GANC: variants seen among roughly 807,000 people sequenced by gnomAD.
GANC encodes the protein neutral alpha-glucosidase C.
A neutral mutation model predicts 124.2 loss-of-function variants in GANC; 117 were observed. The observed-to-expected ratio is 0.94, with a 90% CI of 0.81 to 1.10. GANC has a LOEUF of 1.10. GANC is among the 50% of genes least tolerant of loss of function. GANC has a pLI of 0.00. For synonymous variants in GANC, 377 were observed against 376.8 expected, an observed-to-expected ratio of 1.00 and a Z score of -0.01; for missense variants, 1,140 against 1,095.0, an observed-to-expected ratio of 1.04 and a Z score of -0.58.
rs538244935 is a variant in GANC, at chr15:42,302,455, A to C, written c.559-4091A>C. The stretch of plus-strand genomic sequence containing the variant: ...CAGAACACCTCTTCTCCTCCAAACG[A>C]TCACAGCTTCTCAACAGCAAGTGAA... On this transcript the variant is annotated intron_variant, in intron 6 of 23. Coordinates refer to ENST00000318010, the MANE Select transcript of GANC (RefSeq NM_198141.3). 3.9e-5 allele frequency among the ~76,000 whole-genome samples: 6 copies of C among 152,302 alleles called. No homozygotes were observed. The South Asian group carries it at 1.2e-3, about 32-fold the overall frequency.
At chr15:42,345,641 A>G in intron 19 of GANC, 117 bp from the exon 20 acceptor site, 1 of 611,620 alleles carries the variant, frequency 1.6e-6, no homozygotes, top group South Asian at 2.3e-5. Flanking sequence ...TTTAAGTTAT[A>G]TTTATTTTAG....
intron 15 of GANC, among the ~76,000 whole-genome samples, chr15:42,333,340 A>C (rs77383558): frequency 6.6e-6 from 1 of 151,352 alleles, no homozygotes; most frequent in Admixed American, 6.6e-5. Flanking sequence ...AAAAAAAAAG[A>C]ATTTTTTTTT....
At chr15:42,285,763 C>T (rs1338136622) in intron 3 of GANC, among the ~76,000 whole-genome samples, 1 of 152,086 alleles carries the variant, frequency 6.6e-6, no homozygotes, top group Non-Finnish European at 1.5e-5. Context: ...CCACTGCACT[C>T]CAGCCTGGGT....
chr15:42,282,666 A>G (rs1357430657), intron 3 of GANC, among the ~76,000 whole-genome samples: 1 of 152,138 alleles, frequency 6.6e-6, no homozygotes, highest in Non-Finnish European at 1.5e-5. Flanking sequence ...TAATTTTTGA[A>G]TTTCTCCCTC....
At chr15:42,325,622 C>T (rs1428462969) in intron 11 of GANC, among the ~76,000 whole-genome samples, 2 of 133,478 alleles carry the variant, frequency 1.5e-5, no homozygotes, top group Non-Finnish European at 3.5e-5. Context: ...AGCAGGTACC[C>T]TGCCTACTTA....
chr15:42,287,614 C>T, intron 3 of GANC, 77 bp from the exon 4 acceptor site: 1 of 1,469,562 alleles, frequency 6.8e-7, no homozygotes, highest in Non-Finnish European at 9.2e-7. Context: ...AAATACTTTC[C>T]TAATTATTGT....
chr15:42,299,857 A>T (rs1300766077), intron 6 of GANC, among the ~76,000 whole-genome samples: 2 of 152,222 alleles, frequency 1.3e-5, no homozygotes, highest in Admixed American at 6.5e-5. Flanking sequence ...AAAACAAGCA[A>T]TGTGGAAAGG....
chr15:42,294,459 C>G (rs1351025140), intron 5 of GANC, among the ~76,000 whole-genome samples: 1 of 150,434 alleles, frequency 6.6e-6, no homozygotes, highest in Non-Finnish European at 1.5e-5. Flanking sequence ...CCTGTAGTCC[C>G]AGCTACTCAA....
chr15:42,274,801 C>A (rs1344673989), intron 1 of GANC, among the ~76,000 whole-genome samples: 1 of 151,732 alleles, frequency 6.6e-6, no homozygotes, highest in Non-Finnish European at 1.5e-5. Context: ...CCCTCGGAGT[C>A]CCAGCTACTT....
At chr15:42,295,014 C>A (rs915153886) in intron 5 of GANC, among the ~76,000 whole-genome samples, 1 of 150,346 alleles carries the variant, frequency 6.7e-6, no homozygotes, top group Non-Finnish European at 1.5e-5. Context: ...CTCTGTCACC[C>A]AGGCTGGAGT....
At chr15:42,275,517 A>G (rs1279099450) in intron 1 of GANC, among the ~76,000 whole-genome samples, 7 of 152,230 alleles carry the variant, frequency 4.6e-5, no homozygotes, top group Non-Finnish European at 7.3e-5. Context: ...ATAGCTTTCT[A>G]CATAATCATG....
At chr15:42,277,306 G>A (rs983333470) in intron 2 of GANC, among the ~76,000 whole-genome samples, 4 of 152,056 alleles carry the variant, frequency 2.6e-5, no homozygotes, top group Non-Finnish European at 2.9e-5. Context: ...CAAGGCAGGC[G>A]GATCACCTGA....
chr15:42,333,901 T>C (rs190857710), intron 15 of GANC, among the ~76,000 whole-genome samples: 27 of 152,282 alleles, frequency 1.8e-4, no homozygotes, highest in African/African-American at 6.0e-4. Flanking sequence ...AATAGGTACA[T>C]AGATCAATTG....
intron 3 of GANC, chr15:42,281,269 G>A: frequency 1.6e-6 from 1 of 619,864 alleles, no homozygotes; most frequent in Non-Finnish European, 2.9e-6. Flanking sequence ...GTCATGTGGT[G>A]TTGAGATGAC....
intron 18 of GANC, among the ~76,000 whole-genome samples, chr15:42,341,729 A>AT (rs1406434368): frequency 6.6e-6 from 1 of 151,926 alleles, no homozygotes; most frequent in Non-Finnish European, 1.5e-5. Context: ...TGCCTGGCTA[A>AT]TTTTTTCTAT....
At position 42,349,502 on chromosome 15, in the gene GANC, G is replaced by A. The variant is rs1182603132; in HGVS notation, c.2531+7G>A. 6.6e-7 allele frequency: 1 copy of A among 1,505,946 alleles called. No individual in the cohort carries two copies. The highest frequency in any genetic ancestry group is 9.2e-7 in the Non-Finnish European group (1 of 1,081,818). The allele number at this position is 1,505,946 out of a possible 1,614,324, so 93.3% of individuals were successfully genotyped here. ...CCAGTGTTCTGATCAATAGGTAATG[G>A]CAGCTAAAGAAACTGTTTGTTTTCT... On this transcript the variant is annotated splice_region_variant and intron_variant, in intron 22 of 23. Transcript: ENST00000318010.
Position 42,310,843 on chromosome 15 carries a change from A to G in GANC, c.1054A>G (p.Thr352Ala). The change falls in exon 10 of 24, where the codon ACA (threonine) becomes GCA (alanine). Residue 352 changes from threonine (T) to alanine (A), a missense_variant. Thr to Ala is a moderately conservative substitution (Grantham distance 58). Coordinates refer to ENST00000318010, the MANE Select transcript of GANC (RefSeq NM_198141.3). ...TGTCTTCAAACAGTACTCACACCTT[A>G]CAGGTATTTGCACGAAGAAGTGCCA... ...SDVFKQYSHL[T>A]GTQAMPPLFS... is the part of the protein sequence containing the mutation. 6.2e-7 allele frequency: 1 copy of G among 1,608,922 alleles called. No individual in the cohort carries two copies. The highest frequency in any genetic ancestry group is 1.1e-5 in the South Asian group (1 of 90,922).
intron 22 of GANC, 67 bp downstream of exon 22, chr15:42,349,562 A>C (rs1595787517): frequency 1.7e-6 from 1 of 605,102 alleles, no homozygotes; most frequent in Non-Finnish European, 2.5e-6. Context: ...GCATCCTCAA[A>C]TCAAATGCAC....
chr15:42,304,734 C>G (rs548219897), intron 6 of GANC, among the ~76,000 whole-genome samples: 21 of 152,262 alleles, frequency 1.4e-4, no homozygotes, highest in South Asian at 6.2e-4. Context: ...GATACAGTAA[C>G]CAAAACAGCA....
Sources: allele counts gnomAD v4.1 joint callset (sites outside exome capture counted in the v4.1 genomes callset), GRCh38; gene constraint gnomAD v4.1.1; transcripts MANE v1.5; gene names NCBI Gene and HGNC (gene_info 2026-07-23, HGNC 2026-07-21).